TLR10: variants seen among roughly 807,000 people sequenced by gnomAD.
The protein encoded by TLR10 is toll-like receptor 10.
For synonymous variants in TLR10, 288 were observed against 338.8 expected, an observed-to-expected ratio of 0.85 and a Z score of 1.65; for missense variants, 929 against 932.9, an observed-to-expected ratio of 1.00 and a Z score of 0.05.
chr4:38,778,429 A>AATATAAATAAAT (rs1553900916), intron 1 of TLR10, among the ~76,000 whole-genome samples: 3 of 149,020 alleles, frequency 2.0e-5, no homozygotes, highest in African/African-American at 7.6e-5. Flanking sequence ...CTTACAGTAT[A>AATATAAATAAAT]AAATAAATAA....
chr4:38,774,888 G>A lies in TLR10; in HGVS notation c.703C>T (p.Arg235Ter), dbSNP rs139408237. Reference protein sequence around the residue: ...KSQFVSYEMQRNLSLENAKTS... With the variant: ...KSQFVSYEMQ ...TTAGCATTTTCTAAACTAAGATTTCGTTGCATTTCATAACTTACAAATTGG... is the reference window on the plus strand; with the variant it reads ...TTAGCATTTTCTAAACTAAGATTTCATTGCATTTCATAACTTACAAATTGG... Residue 235 changes from arginine to a stop codon, truncating the protein, a stop_gained, in exon 4 of 4, where the codon CGA becomes TGA. Transcript: ENST00000308973. LOFTEE classifies it low-confidence loss of function (END_TRUNC). 1.1e-4 allele frequency: 170 copies of A among 1,608,198 alleles called. 2 individuals carry two copies. The highest frequency in any genetic ancestry group is 6.7e-4 in the South Asian group (60 of 89,936).
chr4:38,774,679 CA>C lies in TLR10; in HGVS notation c.911del (p.Leu304TrpfsTer20). 3 of 1,562,544 alleles carry C rather than the reference CA, an allele frequency of 1.9e-6. No homozygotes were observed. Among genetic ancestry groups the C allele is most frequent in the Non-Finnish European group, 2.6e-6 (3 of 1,159,590 alleles). ...AAAACACTCTGAAATGTACATGCTC[CA>C]ATTTTATAGTTCTCATTACAGTATT... is the stretch of plus-strand genomic sequence containing the variant. ...YSNTVMRTIK[L>X]EHVHFRVFYI... On this transcript the variant is annotated frameshift_variant, in exon 4 of 4. Coordinates refer to ENST00000308973, the MANE Select transcript of TLR10 (RefSeq NM_030956.4). LOFTEE classifies it low-confidence loss of function (END_TRUNC).
intron 1 of TLR10, among the ~76,000 whole-genome samples, chr4:38,781,838 C>T (rs778300093): frequency 3.9e-5 from 6 of 152,178 alleles, no homozygotes; most frequent in Admixed American, 3.3e-4. Context: ...GTATTTCCTA[C>T]GTGTCTGACA....
Position 38,774,124 on chromosome 4 carries a change from T to C in TLR10, c.1467A>G (p.Arg489=), listed in dbSNP as rs972816515. Residue 489 remains arginine (R), a synonymous_variant, in exon 4 of 4, where the codon AGA becomes AGG. Coordinates refer to ENST00000308973, the MANE Select transcript of TLR10 (RefSeq NM_030956.4). ...TDLPGCSHFS[R]LSVLNIEMNF... Reference sequence around the variant, plus strand: ...TCATTTCAATGTTCAGAACTGAAAGTCTACTGAAATGACTGCATCCAGGGA... The same window carrying C: ...TCATTTCAATGTTCAGAACTGAAAGCCTACTGAAATGACTGCATCCAGGGA... The C allele has an allele frequency of 1.9e-6, 3 of 1,610,336 alleles. No individual in the cohort carries two copies. The African/African-American group carries it at 4.0e-5, about 22-fold the overall frequency.
rs376352265 is a variant in TLR10, at chr4:38,773,107, C to T, written c.*48G>A. The T allele has an allele frequency of 4.8e-5, 69 of 1,433,410 alleles. No homozygotes were observed. The highest frequency in any genetic ancestry group is 1.6e-4 in the Admixed American group (6 of 37,912). 88.8% of individuals were successfully genotyped at this position (1,433,410 alleles called of 1,614,324 possible). ...CCATCATAAAGGTTGTATCAATGTA[C>T]ATCCCAACAGTGTATGTGGTCCCCA... is the stretch of plus-strand genomic sequence containing the variant. On this transcript the variant is annotated 3_prime_UTR_variant, in exon 4 of 4. Transcript: ENST00000308973.
rs1418743239 is a variant in TLR10, at chr4:38,773,562, T to C, written c.2029A>G (p.Ser677Gly). 4.1e-5 allele frequency: 66 copies of C among 1,607,766 alleles called. No individual in the cohort carries two copies. The highest frequency in any genetic ancestry group is 5.4e-5 in the Non-Finnish European group (63 of 1,177,416). ...AAGCTTACAATATTTTCACTAATGC[T>C]TTTGCCAGGGTCAAAGTAGCTTTCA... ...LYESYFDPGK[S>G]ISENIVSFIE... Residue 677 changes from serine to glycine, a missense_variant, in exon 4 of 4, where the codon AGC becomes GGC. Coordinates refer to ENST00000308973, the MANE Select transcript of TLR10 (RefSeq NM_030956.4).
In TLR10 at chr4:38,778,378, C is replaced by G. The variant is rs569657562; in HGVS notation, c.-568-1952G>C. Among the ~76,000 whole-genome samples, 371 of 152,118 alleles carry G rather than the reference C, an allele frequency of 2.4e-3. 2 individuals are homozygous for G. Among genetic ancestry groups the G allele is most frequent in the African/African-American group, 8.2e-3 (341 of 41,478 alleles). ...GCAAACCACCATGGCATGTGTATAC[C>G]TATGTAACAAACATGCACGTTCCGC... is the stretch of plus-strand genomic sequence containing the variant. On this transcript the variant is annotated intron_variant, in intron 1 of 3. Transcript: ENST00000308973.
chr4:38,775,450 G>C lies in TLR10; in HGVS notation c.141C>G (p.Thr47=). Residue 47 remains threonine, a synonymous_variant, in exon 4 of 4, where the codon ACC becomes ACG. Coordinates refer to ENST00000308973, the MANE Select transcript of TLR10 (RefSeq NM_030956.4). ...MSLRKVPADL[T]PATTTLDLSY... ...ATAAATCCAGTGTCGTTGTGGCTGGGGTCAAGTCTGCGGGAACCTTTCTTA... is the reference window on the plus strand; with the variant it reads ...ATAAATCCAGTGTCGTTGTGGCTGGCGTCAAGTCTGCGGGAACCTTTCTTA... 6.2e-7 allele frequency: 1 copy of C among 1,614,116 alleles called. No homozygotes were observed. Among genetic ancestry groups the C allele is most frequent in the Non-Finnish European group, 8.5e-7 (1 of 1,180,016 alleles).
At chr4:38,775,728 GC>G in intron 3 of TLR10, 46 bp downstream of exon 3, 1 of 851,194 alleles carries the variant, frequency 1.2e-6, no homozygotes, top group Non-Finnish European at 1.7e-6. Flanking sequence ...CAAAAAAAAT[GC>G]CAACATCTGA....
chr4:38,782,637 A>G (rs1156289112), intron 1 of TLR10, among the ~76,000 whole-genome samples: 1 of 152,210 alleles, frequency 6.6e-6, no homozygotes, highest in Non-Finnish European at 1.5e-5. Context: ...AAAACTTGCC[A>G]CAGTGCATAG....
At chr4:38,781,296 G>A (rs1222848855) in intron 1 of TLR10, among the ~76,000 whole-genome samples, 3 of 151,864 alleles carry the variant, frequency 2.0e-5, no homozygotes, top group Non-Finnish European at 4.4e-5. Context: ...GTGAGCCACT[G>A]TGCTTGGCCT....
rs1274693127 is a variant in TLR10 at position 38,774,361 on chromosome 4, T to A, written c.1230A>T (p.Gln410His). The change falls in exon 4 of 4, where the codon CAA becomes CAT. Residue 410 changes from glutamine (Q) to histidine (H), a missense_variant. Gln to His is a conservative substitution (Grantham distance 24). Transcript: ENST00000308973. Reference sequence around the variant, plus strand: ...ATGAGCAATTTTCATCATTTTTATGTTGTAATAGATTTTGACTCAGATCCA... The same window carrying A: ...ATGAGCAATTTTCATCATTTTTATGATGTAATAGATTTTGACTCAGATCCA... Reference protein sequence around the residue: ...EHLDLSQNLLQHKNDENCSWP... With the variant: ...EHLDLSQNLLHHKNDENCSWP... 1.9e-6 allele frequency: 3 copies of A among 1,612,246 alleles called. No homozygotes were observed. In the South Asian group the frequency reaches 3.3e-5, roughly 18 times the overall value.
Position 38,775,964 on chromosome 4 carries a change from C to T in TLR10, c.-251-1G>A, listed in dbSNP as rs1461060051. On this transcript the variant is annotated splice_acceptor_variant, in intron 2 of 3. Transcript: ENST00000308973. LOFTEE classifies it low-confidence loss of function (5UTR_SPLICE). ...CTCTCTCACATCTCCTTTTGATAGCCTGAAGATTTCAAGAAAATTGAAAGT... is the reference window on the plus strand; with the variant it reads ...CTCTCTCACATCTCCTTTTGATAGCTTGAAGATTTCAAGAAAATTGAAAGT... 6.1e-6 allele frequency: 1 copy of T among 163,120 alleles called. No homozygotes were observed. The highest frequency in any genetic ancestry group is 1.3e-5 in the Non-Finnish European group (1 of 75,786). The allele number at this position is 163,120 out of a possible 1,614,324, so 10.1% of individuals were successfully genotyped here.
In TLR10 at chr4:38,773,966, A is replaced by G; in HGVS notation, c.1625T>C (p.Val542Ala). The change falls in exon 4 of 4, where the codon GTC (valine) becomes GCC (alanine). Residue 542 changes from valine to alanine, a missense_variant. Physicochemically the swap from Val to Ala is moderately conservative, Grantham distance 64 (BLOSUM62 0). Coordinates refer to ENST00000308973, the MANE Select transcript of TLR10 (RefSeq NM_030956.4). ...NFIQLETYSE[V>A]MMVGWSDSYT... is the part of the protein sequence containing the mutation. ...TGAATCTGACCATCCAACCATCATG[A>G]CCTCTGAATATGTTTCAAGCTGAAT... 1 of 1,583,404 alleles carries G rather than the reference A, an allele frequency of 6.3e-7. No individual in the cohort carries two copies.
In TLR10 at chr4:38,774,286, A is replaced by G. The variant is rs374920496; in HGVS notation, c.1305T>C (p.Asp435=). 8.8e-5 allele frequency: 142 copies of G among 1,613,290 alleles called. No homozygotes were observed. Among genetic ancestry groups the G allele is most frequent in the Non-Finnish European group, 1.2e-4 (141 of 1,179,836 alleles). The change falls in exon 4 of 4, where the codon GAT becomes GAC. Residue 435 remains aspartate, a synonymous_variant. Coordinates refer to ENST00000308973, the MANE Select transcript of TLR10 (RefSeq NM_030956.4). ...TTTTGGGCAAGCACCTGAAGACAGA[A>G]TCAGACAATTTATTGTATGACAGAT... ...NMNLSYNKLS[D]SVFRCLPKSI...
chr4:38,776,823 T>C (rs1179715065), intron 1 of TLR10, among the ~76,000 whole-genome samples: 1 of 152,110 alleles, frequency 6.6e-6, no homozygotes, highest in African/African-American at 2.4e-5. Context: ...AACAAAACAA[T>C]ACGTTTATAT....
chr4:38,782,456 C>T (rs915778993), intron 1 of TLR10, among the ~76,000 whole-genome samples: 7 of 152,158 alleles, frequency 4.6e-5, no homozygotes, highest in Non-Finnish European at 5.9e-5. Flanking sequence ...CTGAAGGAAA[C>T]GGAATAAGAA....
At chr4:38,782,843 T>C (rs977921997) in intron 1 of TLR10, 78 bp downstream of exon 1, 1 of 152,194 alleles carries the variant, frequency 6.6e-6, no homozygotes, top group Non-Finnish European at 1.5e-5. Context: ...GCTCAAATTA[T>C]CTCCTTTTTA....
chr4:38,780,417 A>G (rs950627110), intron 1 of TLR10, among the ~76,000 whole-genome samples: 9 of 152,108 alleles, frequency 5.9e-5, no homozygotes, highest in African/African-American at 2.2e-4. Context: ...AAAAAAAAGA[A>G]TAAGTTTGGT....
Sources: allele counts gnomAD v4.1 joint callset (sites outside exome capture counted in the v4.1 genomes callset), GRCh38; gene constraint gnomAD v4.1.1; transcripts MANE v1.5; gene names NCBI Gene and HGNC (gene_info 2026-07-23, HGNC 2026-07-21).